The following SEL1L2 variants were observed in gnomAD, a reference collection of about 807,000 sequenced individuals.
SEL1L2 encodes SEL1L2 adaptor subunit of SYVN1 ubiquitin ligase.
A neutral mutation model predicts 98.8 loss-of-function variants in SEL1L2; 89 were observed. That is an observed-to-expected ratio of 0.90 (90% CI 0.76 to 1.07). The LOEUF (loss-of-function observed/expected upper bound fraction) is 1.07. SEL1L2 is among the 50% of genes least tolerant of loss of function. The pLI, the probability that SEL1L2 is intolerant of heterozygous loss-of-function variation, is 0.00. For missense variants in SEL1L2, 788 were observed against 812.0 expected (o/e 0.97, Z 0.36); for synonymous variants, 262 against 278.5 (o/e 0.94, Z 0.59).
At chr20:13,947,477 C>T (rs571200219) in intron 2 of SEL1L2, among the ~76,000 whole-genome samples, 42 of 152,120 alleles carry the variant, frequency 2.8e-4, no homozygotes, top group African/African-American at 9.9e-4. Flanking sequence ...GCTGTACTGT[C>T]GCTCAATGAA....
Position 13,920,269 on chromosome 20 carries a change from C to CCT in SEL1L2, c.284-1148_284-1147dup, listed in dbSNP as rs1187830410. Among the ~76,000 whole-genome samples, 11 of 151,642 alleles carry CCT rather than the reference C, an allele frequency of 7.3e-5. No individual in the cohort carries two copies. In the East Asian group the frequency reaches 1.7e-3, roughly 24 times the overall value. On this transcript the variant is annotated intron_variant, in intron 3 of 19. Transcript: ENST00000284951. ...AAAAATTCTACCTAAGGCTTTTCCA[C>CCT]CTCCCAGGACCCTTTCTAAGACTTA...
intron 1 of SEL1L2, among the ~76,000 whole-genome samples, chr20:13,980,385 T>C (rs2051755551): frequency 6.6e-6 from 1 of 152,128 alleles, no homozygotes; most frequent in African/African-American, 2.4e-5. Context: ...TTTTTTTATT[T>C]TTAGTAGAGA....
chr20:13,937,723 A>G (rs146176341), intron 2 of SEL1L2, among the ~76,000 whole-genome samples: 2 of 152,310 alleles, frequency 1.3e-5, no homozygotes, highest in Admixed American at 6.5e-5. Context: ...AATTATTTAT[A>G]GACACTTTGT....
chr20:13,849,551 C>T lies in SEL1L2; in HGVS notation c.2001G>A (p.Trp667Ter). The change falls in exon 20 of 20, where the codon TGG becomes TGA. Residue 667 changes from tryptophan (W) to a stop codon, truncating the protein, a stop_gained. Transcript: ENST00000284951. LOFTEE classifies it high-confidence loss of function. ...LKLDNTIGPH[W>*]DLFVIGLIVP... ...CAATGAGGCCAATCACAAATAAGTC[C>T]CAGTGTGGTCCAATGGTGTTGTCCA... 1 of 1,613,990 alleles carries T rather than the reference C, an allele frequency of 6.2e-7. No individual in the cohort carries two copies.
chr20:13,967,261 C>T (rs1036585037), intron 1 of SEL1L2, among the ~76,000 whole-genome samples: 5 of 152,120 alleles, frequency 3.3e-5, no homozygotes, highest in South Asian at 4.2e-4. Context: ...GAAGAAGCTA[C>T]ACTTTGTAAG....
chr20:13,965,133 G>A (rs78488465), intron 1 of SEL1L2, among the ~76,000 whole-genome samples: 1 of 9,306 alleles, frequency 1.1e-4, no homozygotes, highest in Admixed American at 1.6e-3. Flanking sequence ...AGTAGGAAGG[G>A]ATACTGATTC....
At chr20:13,919,249 T>A in intron 3 of SEL1L2, 126 bp from the exon 4 acceptor site, 3 of 598,382 alleles carry the variant, frequency 5.0e-6, no homozygotes, top group Non-Finnish European at 8.5e-6. Flanking sequence ...AACCTCTGCA[T>A]TCAAGAAGAT....
chr20:13,892,025 C>CA (rs1336379709), intron 5 of SEL1L2, among the ~76,000 whole-genome samples: 2 of 152,228 alleles, frequency 1.3e-5, no homozygotes, highest in Non-Finnish European at 2.9e-5. Flanking sequence ...AATAAAACTA[C>CA]ATTTAAAGTA....
chr20:13,962,753 A>T (rs62207721), intron 1 of SEL1L2, among the ~76,000 whole-genome samples: 9,735 of 152,266 alleles, frequency 0.064, 354 homozygotes, highest in Non-Finnish European at 0.073. Context: ...TAGTCCTAGC[A>T]TTGAGAAAAG....
intron 1 of SEL1L2, among the ~76,000 whole-genome samples, chr20:13,983,042 A>AAAAAAAAAAAAAAAAAAAAAAAAAC (rs1171546416): frequency 1.4e-5 from 2 of 143,862 alleles, no homozygotes; most frequent in Non-Finnish European, 3.1e-5. Flanking sequence ...AAAAAAAAAA[A>AAAAAAAAAAAAAAAAAAAAAAAAAC]AAAAAAGCAG....
At chr20:13,962,294 G>A (rs60638040) in intron 1 of SEL1L2, among the ~76,000 whole-genome samples, 9,730 of 152,188 alleles carry the variant, frequency 0.064, 357 homozygotes, top group Non-Finnish European at 0.073. Flanking sequence ...CTGGGCTGCC[G>A]TTTTGACTTT....
chr20:13,896,658 C>T, intron 5 of SEL1L2, among the ~76,000 whole-genome samples: 1 of 152,008 alleles, frequency 6.6e-6, no homozygotes, highest in East Asian at 1.9e-4. Flanking sequence ...CTTCCACTTA[C>T]AATAGCATTA....
chr20:13,858,427 C>T (rs940467988), intron 18 of SEL1L2, among the ~76,000 whole-genome samples: 1 of 152,048 alleles, frequency 6.6e-6, no homozygotes, highest in African/African-American at 2.4e-5. Flanking sequence ...CCACCATTGA[C>T]GAGCTCCGCA....
chr20:13,877,937 G>C (rs768547448), intron 10 of SEL1L2, among the ~76,000 whole-genome samples: 7 of 152,174 alleles, frequency 4.6e-5, no homozygotes, highest in Non-Finnish European at 7.3e-5. Flanking sequence ...TGAAAAGCAG[G>C]CTTCTCTGTT....
At chr20:13,976,200 C>A (rs1039717206) in intron 1 of SEL1L2, among the ~76,000 whole-genome samples, 16 of 152,074 alleles carry the variant, frequency 1.1e-4, no homozygotes, top group African/African-American at 3.4e-4. Flanking sequence ...CAGGGTTTCT[C>A]CATGTTGGCC....
rs115606512 is a variant in SEL1L2, at chr20:13,863,595, A to G, written c.1645+1572T>C. On this transcript the variant is annotated intron_variant, in intron 17 of 19. Coordinates refer to ENST00000284951, the MANE Select transcript of SEL1L2 (RefSeq NM_025229.2). ...CCACTCAGTAGCCATATCTTCAGGG[A>G]CACTTATACCTGACCTCTCTTAGGA... 4.9e-3 allele frequency among the ~76,000 whole-genome samples: 739 copies of G among 152,276 alleles called. 8 individuals carry two copies. The highest frequency in any genetic ancestry group is 0.017 in the African/African-American group (711 of 41,544).
At chr20:13,966,956 G>A (rs1883412361) in intron 1 of SEL1L2, among the ~76,000 whole-genome samples, 2 of 133,504 alleles carry the variant, frequency 1.5e-5, no homozygotes, top group Non-Finnish European at 1.5e-5. Flanking sequence ...ATCTCAGCTC[G>A]CTGCAATCTC....
chr20:13,878,174 A>G (rs2046522027), intron 10 of SEL1L2, among the ~76,000 whole-genome samples: 1 of 152,170 alleles, frequency 6.6e-6, no homozygotes, highest in South Asian at 2.1e-4. Flanking sequence ...TCTGTCTAGA[A>G]CACATAAGGG....
rs561983759 is a variant in SEL1L2, at chr20:13,943,611, G to A, written c.115-11840C>T. Reference sequence around the variant, plus strand: ...TCATTCATTCACAAATATTTAGCAAGCACTTATTAAATTGTAGTGACTAAT... The same window carrying A: ...TCATTCATTCACAAATATTTAGCAAACACTTATTAAATTGTAGTGACTAAT... On this transcript the variant is annotated intron_variant, in intron 2 of 19. Transcript: ENST00000284951. Among the ~76,000 whole-genome samples the A allele has an allele frequency of 9.9e-5, 15 of 151,980 alleles. No homozygotes were observed. The South Asian group carries it at 3.1e-3, about 31-fold the overall frequency.
Sources: gnomAD v4.1 joint callset for allele counts (sites outside exome capture counted in the v4.1 genomes callset) on GRCh38, gnomAD v4.1.1 for gene constraint, MANE v1.5 for transcripts, NCBI Gene and HGNC (gene_info 2026-07-23, HGNC 2026-07-21) for gene names.